Variants in CTTNBP2 observed in about 807,000 individuals in gnomAD.
CTTNBP2 encodes cortactin binding protein 2.
A neutral mutation model predicts 156.9 loss-of-function variants in CTTNBP2; 108 were observed. The ratio of observed to expected loss-of-function variants is 0.69; its 90% CI spans 0.59 to 0.81. CTTNBP2 has a LOEUF of 0.81. CTTNBP2 is among the 30% of genes least tolerant of loss of function. The probability of loss-of-function intolerance (pLI) is 0.00; values close to 1 mark genes in which losing one functional copy is unlikely to be tolerated. For missense variants in CTTNBP2, 1,924 were observed against 2,035.4 expected (o/e 0.95, Z 1.05); for synonymous variants, 767 against 751.8 (o/e 1.02, Z -0.33).
chr7:117,750,171 C>A (rs1036395760), intron 12 of CTTNBP2, among the ~76,000 whole-genome samples: 2 of 152,258 alleles, frequency 1.3e-5, no homozygotes, highest in East Asian at 1.9e-4. Context: ...CTTCTGAGAA[C>A]AAGAGTGCTC....
At chr7:117,870,731 T>A (rs1055242790) in intron 1 of CTTNBP2, among the ~76,000 whole-genome samples, 11 of 152,244 alleles carry the variant, frequency 7.2e-5, no homozygotes, top group Non-Finnish European at 1.6e-4. Context: ...AACAGCAATA[T>A]GGCCTATAAA....
At chr7:117,773,666 C>T (rs1440928004) in intron 8 of CTTNBP2, among the ~76,000 whole-genome samples, 1 of 139,828 alleles carries the variant, frequency 7.2e-6, no homozygotes, top group East Asian at 2.0e-4. Flanking sequence ...CACACACACA[C>T]ACACACACAC....
At chr7:117,844,605 G>A (rs778308916) in intron 2 of CTTNBP2, among the ~76,000 whole-genome samples, 4 of 152,172 alleles carry the variant, frequency 2.6e-5, no homozygotes, top group Admixed American at 6.5e-5. Flanking sequence ...CCATTCTAAG[G>A]ACTTTTGCTG....
At chr7:117,851,232 GT>G (rs1802911005) in intron 2 of CTTNBP2, among the ~76,000 whole-genome samples, 1 of 151,708 alleles carries the variant, frequency 6.6e-6, no homozygotes, top group African/African-American at 2.4e-5. Context: ...GCAAGACCCT[GT>G]CTCTATTTAA....
At chr7:117,794,373 A>G (rs1214145795) in intron 3 of CTTNBP2, among the ~76,000 whole-genome samples, 5 of 152,200 alleles carry the variant, frequency 3.3e-5, no homozygotes, top group African/African-American at 1.2e-4. Context: ...AATGGGCCTT[A>G]TGGTTCCTAA....
Position 117,808,786 on chromosome 7 carries a change from A to G in CTTNBP2, c.414+1979T>C, listed in dbSNP as rs367564870. 3.3e-5 allele frequency among the ~76,000 whole-genome samples: 5 copies of G among 152,294 alleles called. No individual in the cohort carries two copies. The East Asian group carries it at 7.7e-4, about 23-fold the overall frequency. ...GCGAGGGAACTGAAGACATTTGGTT[A>G]AAATATTTGCTTTCAGAGGACTAAA... On this transcript the variant is annotated intron_variant, in intron 3 of 22. Coordinates refer to ENST00000160373, the MANE Select transcript of CTTNBP2 (RefSeq NM_033427.3).
chr7:117,825,449 T>C (rs1801222058), intron 2 of CTTNBP2, among the ~76,000 whole-genome samples: 1 of 152,176 alleles, frequency 6.6e-6, no homozygotes, highest in East Asian at 1.9e-4. Context: ...CCTCTCCAAA[T>C]ACAAGAGGGT....
rs572886104 is a variant in CTTNBP2, at chr7:117,802,446, A to C, written c.414+8319T>G. On this transcript the variant is annotated intron_variant, in intron 3 of 22. Coordinates refer to ENST00000160373, the MANE Select transcript of CTTNBP2 (RefSeq NM_033427.3). ...TAGACTTCAGCATTGGCAAAAAAAAAAAAAAAAAAAACAAAAACAAACAAA... is the reference window on the plus strand; with the variant it reads ...TAGACTTCAGCATTGGCAAAAAAAACAAAAAAAAAAACAAAAACAAACAAA... 1.1e-3 allele frequency among the ~76,000 whole-genome samples: 164 copies of C among 142,966 alleles called. 2 individuals are homozygous for C. The highest frequency in any genetic ancestry group is 3.6e-3 in the Middle Eastern group (1 of 280). 93.8% of individuals were successfully genotyped at this position (142,966 alleles called of 152,430 possible).
intron 12 of CTTNBP2, among the ~76,000 whole-genome samples, chr7:117,747,640 G>C (rs896000049): frequency 6.6e-6 from 1 of 152,182 alleles, no homozygotes; most frequent in Non-Finnish European, 1.5e-5. Flanking sequence ...AGGTGTGGTG[G>C]TGGGTGCCTG....
intron 2 of CTTNBP2, among the ~76,000 whole-genome samples, chr7:117,844,054 G>C (rs1040035803): frequency 6.6e-6 from 1 of 152,032 alleles, no homozygotes; most frequent in Non-Finnish European, 1.5e-5. Flanking sequence ...GAAACGAAGA[G>C]AGAGAGAGAC....
At chr7:117,715,979 C>G (rs1415419887) in intron 22 of CTTNBP2, 1 of 152,124 alleles carries the variant, frequency 6.6e-6, no homozygotes, top group African/African-American at 2.4e-5. Flanking sequence ...ACAGTAAGTA[C>G]CACTTTGCCC....
At chr7:117,733,388 T>A (rs1057304823) in intron 16 of CTTNBP2, among the ~76,000 whole-genome samples, 1 of 152,242 alleles carries the variant, frequency 6.6e-6, no homozygotes, top group Non-Finnish European at 1.5e-5. Flanking sequence ...AAACAATTTT[T>A]ATCAGAGAGC....
At chr7:117,745,223 T>C (rs1796262588) in intron 14 of CTTNBP2, among the ~76,000 whole-genome samples, 1 of 152,220 alleles carries the variant, frequency 6.6e-6, no homozygotes, top group Non-Finnish European at 1.5e-5. Flanking sequence ...ACCATAGCTG[T>C]GGCAAATTAC....
chr7:117,850,133 T>C (rs1197636662), intron 2 of CTTNBP2, among the ~76,000 whole-genome samples: 1 of 152,208 alleles, frequency 6.6e-6, no homozygotes, highest in East Asian at 1.9e-4. Context: ...TCTTCAACAT[T>C]TCTCCCCTGT....
chr7:117,760,575 T>A lies in CTTNBP2; in HGVS notation c.3032A>T (p.Lys1011Ile). The stretch of plus-strand genomic sequence containing the variant: ...ATTTGTCAGAGCTTGACTCACTGCT[T>A]TTGAAAAATCATCCCATGATGTCTG... The part of the protein sequence containing the change: ...RKQTSWDDFS[K>I]AVSQALTNHF... The change falls in exon 10 of 23, where the codon AAA becomes ATA. Residue 1011 changes from lysine (K) to isoleucine (I), a missense_variant. Coordinates refer to ENST00000160373, the MANE Select transcript of CTTNBP2 (RefSeq NM_033427.3). 1 of 1,614,168 alleles carries A rather than the reference T, an allele frequency of 6.2e-7. No homozygotes were observed. The highest frequency in any genetic ancestry group is 1.1e-5 in the South Asian group (1 of 91,084).
intron 2 of CTTNBP2, among the ~76,000 whole-genome samples, chr7:117,830,676 C>T (rs1001140144): frequency 6.6e-6 from 1 of 152,198 alleles, no homozygotes; most frequent in Non-Finnish European, 1.5e-5. Context: ...AAACAGCTGA[C>T]GGTTTTGCAA....
At chr7:117,724,979 C>G (rs1357462309) in intron 18 of CTTNBP2, 73 bp downstream of exon 18, 2 of 1,386,592 alleles carry the variant, frequency 1.4e-6, no homozygotes, top group Middle Eastern at 2.5e-4. Flanking sequence ...AAAGAAAGCT[C>G]TCTAAAAACA....
At chr7:117,844,510 G>T (rs1802469556) in intron 2 of CTTNBP2, among the ~76,000 whole-genome samples, 1 of 152,106 alleles carries the variant, frequency 6.6e-6, no homozygotes, top group South Asian at 2.1e-4. Context: ...AGTGATTTTT[G>T]GTTAGAACGG....
chr7:117,841,466 T>C (rs561355173), intron 2 of CTTNBP2, among the ~76,000 whole-genome samples: 18 of 152,268 alleles, frequency 1.2e-4, no homozygotes, highest in African/African-American at 4.1e-4. Flanking sequence ...ATTTGGAACA[T>C]TTTAGCCTTG....
Sources: gnomAD v4.1 joint callset for allele counts (sites outside exome capture counted in the v4.1 genomes callset) on GRCh38, gnomAD v4.1.1 for gene constraint, MANE v1.5 for transcripts, NCBI Gene and HGNC (gene_info 2026-07-23, HGNC 2026-07-21) for gene names.